Variants in PLXNA2 observed in about 807,000 individuals in gnomAD.
PLXNA2 encodes the protein plexin A2.
A neutral mutation model predicts 193.5 loss-of-function variants in PLXNA2; 91 were observed. That is an observed-to-expected ratio of 0.47 (90% CI 0.40 to 0.56). The LOEUF (loss-of-function observed/expected upper bound fraction) is 0.56, where lower values mean the gene tolerates loss of function less well. Among genes scored for constraint, PLXNA2 ranks in the 20% least tolerant of loss-of-function variants. The pLI, the probability that PLXNA2 is intolerant of heterozygous loss-of-function variation, is 0.00. For missense variants in PLXNA2, 1,995 were observed against 2,503.2 expected, an observed-to-expected ratio of 0.80 and a Z score of 4.33; for synonymous variants, 997 against 1,027.3, an observed-to-expected ratio of 0.97 and a Z score of 0.56.
chr1:208,164,726 C>A (rs1417388162), intron 3 of PLXNA2, among the ~76,000 whole-genome samples: 7 of 152,204 alleles, frequency 4.6e-5, no homozygotes, highest in Non-Finnish European at 1.0e-4. Flanking sequence ...AAACCCAGCC[C>A]TCCTCGCCTT....
intron 9 of PLXNA2, among the ~76,000 whole-genome samples, chr1:208,089,298 C>G (rs1666634056): frequency 6.6e-6 from 1 of 152,102 alleles, no homozygotes; most frequent in South Asian, 2.1e-4. Context: ...TAGCAAAGGA[C>G]CAGGTTGAAG....
At chr1:208,064,157 G>A (rs183771634) in intron 12 of PLXNA2, among the ~76,000 whole-genome samples, 31 of 152,308 alleles carry the variant, frequency 2.0e-4, no homozygotes, top group Middle Eastern at 3.4e-3. Flanking sequence ...GGCCCTATCA[G>A]TTCTCACTCC....
Position 208,137,961 on chromosome 1 carries a change from G to A in PLXNA2, c.1506+4368C>T, listed in dbSNP as rs538319428. ...TGTCATGTTTGGAGGATGGGTGGGG[G>A]AACAGAGAGGCAAGGGTTGGGGCAG... is the stretch of plus-strand genomic sequence containing the variant. On this transcript the variant is annotated intron_variant, in intron 4 of 31. Coordinates refer to ENST00000367033, the MANE Select transcript of PLXNA2 (RefSeq NM_025179.4). Among the ~76,000 whole-genome samples, 8 of 152,246 alleles carry A rather than the reference G, an allele frequency of 5.3e-5. No individual in the cohort carries two copies. In the South Asian group the frequency reaches 1.7e-3, roughly 32 times the overall value.
chr1:208,050,456 G>A (rs1221647862), intron 17 of PLXNA2, among the ~76,000 whole-genome samples: 2 of 152,206 alleles, frequency 1.3e-5, no homozygotes, highest in African/African-American at 2.4e-5. Flanking sequence ...CTTTTGTGCT[G>A]TATCATAAAC....
At chr1:208,206,825 G>A (rs371151121) in intron 3 of PLXNA2, among the ~76,000 whole-genome samples, 88 of 146,352 alleles carry the variant, frequency 6.0e-4, no homozygotes, top group African/African-American at 1.7e-3. Flanking sequence ...GGCTAGTGGC[G>A]CGATCTGGGC....
chr1:208,053,177 A>C lies in PLXNA2; in HGVS notation c.2857-714T>G, dbSNP rs576581586. ...AGGGCAGTGGAGTGGAGTGAATTGG[A>C]AAATGCATTTAACTGAGCAACTATA... On this transcript the variant is annotated intron_variant, in intron 14 of 31. Transcript: ENST00000367033. 1.6e-3 allele frequency among the ~76,000 whole-genome samples: 239 copies of C among 152,368 alleles called. 1 individual carries two copies. Among genetic ancestry groups the C allele is most frequent in the Non-Finnish European group, 2.5e-3 (168 of 68,036 alleles).
intron 1 of PLXNA2, among the ~76,000 whole-genome samples, chr1:208,238,701 T>C (rs1310052912): frequency 2.0e-5 from 3 of 152,138 alleles, no homozygotes; most frequent in Non-Finnish European, 4.4e-5. Context: ...CGATACAATG[T>C]TGACATGCAT....
At chr1:208,182,244 C>A (rs939425863) in intron 3 of PLXNA2, among the ~76,000 whole-genome samples, 1 of 152,114 alleles carries the variant, frequency 6.6e-6, no homozygotes, top group African/African-American at 2.4e-5. Flanking sequence ...ACCAGCCTGA[C>A]CACCATGGTG....
intron 6 of PLXNA2, among the ~76,000 whole-genome samples, chr1:208,097,334 G>A (rs985667529): frequency 1.3e-5 from 2 of 152,218 alleles, no homozygotes; most frequent in African/African-American, 4.8e-5. Context: ...AGCTCACTAG[G>A]TTGGTGGAAG....
intron 4 of PLXNA2, among the ~76,000 whole-genome samples, chr1:208,113,546 C>CTTTTTTTTTT (rs397695261): frequency 9.5e-6 from 1 of 105,712 alleles, no homozygotes; most frequent in East Asian, 2.8e-4. Flanking sequence ...CTCTCTCTCT[C>CTTTTTTTTTT]TTTTTTTTTT....
intron 2 of PLXNA2, among the ~76,000 whole-genome samples, chr1:208,211,475 C>T (rs952295308): frequency 2.6e-5 from 4 of 152,148 alleles, no homozygotes; most frequent in Non-Finnish European, 5.9e-5. Context: ...GGGCAGTTCA[C>T]GAAGTCAGGA....
intron 8 of PLXNA2, among the ~76,000 whole-genome samples, chr1:208,093,990 C>G (rs1339447354): frequency 2.0e-5 from 3 of 152,180 alleles, no homozygotes; most frequent in Non-Finnish European, 4.4e-5. Flanking sequence ...GGGGCTTGAT[C>G]CAGGGGTCAC....
chr1:208,201,197 C>T (rs932114072), intron 3 of PLXNA2, among the ~76,000 whole-genome samples: 1 of 152,216 alleles, frequency 6.6e-6, no homozygotes. Context: ...ACTGAGGTCC[C>T]CTCAGATCAC....
At chr1:208,097,013 C>T in intron 6 of PLXNA2, 130 bp from the exon 7 acceptor site, 1 of 735,088 alleles carries the variant, frequency 1.4e-6, no homozygotes, top group East Asian at 2.7e-5. Flanking sequence ...GGATGTTGGT[C>T]TAAGTGGTCT....
intron 3 of PLXNA2, among the ~76,000 whole-genome samples, chr1:208,187,279 T>C (rs183914846): frequency 3.3e-4 from 50 of 152,294 alleles, no homozygotes; most frequent in African/African-American, 1.1e-3. Flanking sequence ...TGATTAGCCC[T>C]GCAATTATTC....
At position 208,079,049 on chromosome 1, in the gene PLXNA2, C is replaced by T. The variant is rs76937455; in HGVS notation, c.2586+211G>A. On this transcript the variant is annotated intron_variant, in intron 12 of 31. Coordinates refer to ENST00000367033, the MANE Select transcript of PLXNA2 (RefSeq NM_025179.4). ...ACACCAATGCGCTTGTACATTCATG[C>T]GCAGGCATGAGGATGCGCTTCCATA... 4.3e-4 allele frequency among the ~76,000 whole-genome samples: 66 copies of T among 152,338 alleles called. No homozygotes were observed. In the East Asian group the frequency reaches 9.5e-3, roughly 22 times the overall value.
Position 208,082,636 on chromosome 1 carries a change from C to A in PLXNA2, c.2299-128G>T, listed in dbSNP as rs1397840634. 1.4e-6 allele frequency: 1 copy of A among 714,144 alleles called. No homozygotes were observed. The highest frequency in any genetic ancestry group is 1.6e-5 in the South Asian group (1 of 63,352). The allele number at this position is 714,144 out of a possible 1,614,324, so 44.2% of individuals were successfully genotyped here. A position where few individuals can be genotyped will look rare whatever the true frequency, so the allele number is the denominator to read the frequency against. ...TTTCCCTGAATCCCAGTCACTAATG[C>A]CAAGAGAATCCCACCCAAGCCTCCT... On this transcript the variant is annotated intron_variant, in intron 10 of 31. Coordinates refer to ENST00000367033, the MANE Select transcript of PLXNA2 (RefSeq NM_025179.4). The surrounding 1 kb of genome is among the most constrained non-coding windows in gnomAD (Gnocchi z 4.2).
intron 28 of PLXNA2, among the ~76,000 whole-genome samples, chr1:208,033,059 CTT>C (rs61520990): frequency 6.9e-6 from 1 of 144,606 alleles, no homozygotes; most frequent in African/African-American, 2.5e-5. Context: ...ATTTTGTCCT[CTT>C]TTTTTTTTTT....
chr1:208,072,485 G>T (rs1666006277), intron 12 of PLXNA2, among the ~76,000 whole-genome samples: 1 of 152,182 alleles, frequency 6.6e-6, no homozygotes, highest in Non-Finnish European at 1.5e-5. Context: ...GTTCTTGCCT[G>T]CAAGTGTGAA....
Sources: allele counts gnomAD v4.1 joint callset (sites outside exome capture counted in the v4.1 genomes callset), GRCh38; gene constraint gnomAD v4.1.1; non-coding constraint Gnocchi (gnomAD v3.1); transcripts MANE v1.5; gene names NCBI Gene and HGNC (gene_info 2026-07-23, HGNC 2026-07-21).